Variants in MAF observed in about 807,000 individuals in gnomAD.
The protein encoded by MAF is MAF bZIP transcription factor.
In MAF, 10 loss-of-function variants were observed where a neutral mutation model predicts 22.0. That is an observed-to-expected ratio of 0.45 (90% CI 0.28 to 0.77). The LOEUF (loss-of-function observed/expected upper bound fraction) is 0.77, where lower values mean the gene tolerates loss of function less well. MAF is among the 30% of genes least tolerant of loss of function. The pLI is 0.12. For missense variants in MAF, 544 were observed against 548.4 expected (o/e 0.99, Z 0.08); for synonymous variants, 337 against 255.8 (o/e 1.32, Z -3.03).
chr16:79,581,265 C>T (rs1912499871), downstream of MAF, among the ~76,000 whole-genome samples: 2 of 152,108 alleles, frequency 1.3e-5, no homozygotes, highest in African/African-American at 4.8e-5. Flanking sequence ...CGCTTTCTCC[C>T]CCATTTCCTG....
At chr16:79,337,314 G>GTAATTCCAGCA in the MAF span, among the ~76,000 whole-genome samples, 4 of 152,180 alleles carry the variant, frequency 2.6e-5, no homozygotes, top group African/African-American at 4.8e-5. Flanking sequence ...GCTCACACCT[G>GTAATTCCAGCA]TAATTCCAGC....
At chr16:79,525,454 ATTC>A in the MAF span, among the ~76,000 whole-genome samples, 1 of 152,132 alleles carries the variant, frequency 6.6e-6, no homozygotes, top group Non-Finnish European at 1.5e-5. Flanking sequence ...TTTTTTTCTA[ATTC>A]TTCTTCCAAA....
At chr16:79,513,234 T>C in the MAF span, among the ~76,000 whole-genome samples, 1 of 152,230 alleles carries the variant, frequency 6.6e-6, no homozygotes, top group Non-Finnish European at 1.5e-5. Flanking sequence ...CAGCAGTAGC[T>C]TAGAGGCAGC....
the MAF span, among the ~76,000 whole-genome samples, chr16:79,386,778 T>G: frequency 6.6e-6 from 1 of 151,932 alleles, no homozygotes; most frequent in Non-Finnish European, 1.5e-5. Context: ...TGAGATCCAA[T>G]GGACAAGCCA....
chr16:79,362,631 T>G, the MAF span, among the ~76,000 whole-genome samples: 4 of 152,220 alleles, frequency 2.6e-5, no homozygotes, highest in Non-Finnish European at 5.9e-5. Flanking sequence ...TCTGAAAGAC[T>G]TGTCAAAGGC....
the MAF span, among the ~76,000 whole-genome samples, chr16:79,560,943 C>G: frequency 1.3e-5 from 2 of 152,330 alleles, no homozygotes; most frequent in Non-Finnish European, 2.9e-5. Context: ...TGGTTCTCAA[C>G]TGCATTCAAG....
the MAF span, among the ~76,000 whole-genome samples, chr16:79,439,433 T>C: frequency 6.6e-6 from 1 of 151,854 alleles, no homozygotes; most frequent in African/African-American, 2.4e-5. Flanking sequence ...GGCTAATTTT[T>C]GTATTTTTAG....
the MAF span, among the ~76,000 whole-genome samples, chr16:79,540,865 G>A: frequency 6.6e-6 from 1 of 150,896 alleles, no homozygotes; most frequent in Non-Finnish European, 1.5e-5. Context: ...CATCTGCAGT[G>A]CACAATCTAG....
the MAF span, among the ~76,000 whole-genome samples, chr16:79,525,616 A>C: frequency 6.6e-6 from 1 of 152,190 alleles, no homozygotes; most frequent in South Asian, 2.1e-4. Flanking sequence ...TACGCTGCGT[A>C]CTTTTTATTG....
chr16:79,470,152 A>G, the MAF span, among the ~76,000 whole-genome samples: 1 of 152,208 alleles, frequency 6.6e-6, no homozygotes, highest in Non-Finnish European at 1.5e-5. Flanking sequence ...TTACATTTGG[A>G]ACATGAAAAA....
At chr16:79,377,772 G>T in the MAF span, among the ~76,000 whole-genome samples, 85,153 of 151,916 alleles carry the variant, frequency 0.56, 24,711 homozygotes, top group East Asian at 0.78. Context: ...CAGCACCATT[G>T]ATTAAATAGG....
At chr16:79,499,289 T>C in the MAF span, among the ~76,000 whole-genome samples, 153 of 152,246 alleles carry the variant, frequency 1.0e-3, no homozygotes, top group Admixed American at 1.7e-3. Context: ...CTCATGCTCA[T>C]CACAGAATGA....
chr16:79,554,902 A>G, the MAF span, among the ~76,000 whole-genome samples: 1 of 152,052 alleles, frequency 6.6e-6, no homozygotes, highest in Non-Finnish European at 1.5e-5. Context: ...ATCTCTCACT[A>G]CTTTCTGATA....
chr16:79,540,245 A>G, the MAF span, among the ~76,000 whole-genome samples: 1 of 151,772 alleles, frequency 6.6e-6, no homozygotes, highest in African/African-American at 2.4e-5. Flanking sequence ...AACTAGATGG[A>G]ACACAGCACC....
the MAF span, among the ~76,000 whole-genome samples, chr16:79,383,634 G>T: frequency 6.6e-6 from 1 of 152,174 alleles, no homozygotes; most frequent in Non-Finnish European, 1.5e-5. Context: ...CCTTATTCAA[G>T]GAGGTTTTGT....
At chr16:79,554,712 G>T in the MAF span, among the ~76,000 whole-genome samples, 1,557 of 152,212 alleles carry the variant, frequency 0.01, 13 homozygotes, top group South Asian at 0.021. Flanking sequence ...CTCAAGATGA[G>T]CCCAGAAAAA....
At chr16:79,316,136 G>C in the MAF span, among the ~76,000 whole-genome samples, 1 of 151,002 alleles carries the variant, frequency 6.6e-6, no homozygotes, top group African/African-American at 2.5e-5. Flanking sequence ...CTACCTCAAG[G>C]CGTGGGCGCC....
At chr16:79,273,834 A>T in the MAF span, among the ~76,000 whole-genome samples, 13 of 152,102 alleles carry the variant, frequency 8.5e-5, no homozygotes, top group African/African-American at 3.1e-4. Context: ...CATGTAATAT[A>T]GCATATTCAC....
At chr16:79,580,036 A>G in the MAF span, among the ~76,000 whole-genome samples, 3 of 152,126 alleles carry the variant, frequency 2.0e-5, no homozygotes, top group African/African-American at 7.2e-5. Flanking sequence ...AAACAAATAA[A>G]AAGAAACCCT....
Sources: allele counts gnomAD v4.1 joint callset (sites outside exome capture counted in the v4.1 genomes callset), GRCh38; gene constraint gnomAD v4.1.1; transcripts MANE v1.5; gene names NCBI Gene and HGNC (gene_info 2026-07-23, HGNC 2026-07-21).